TEX35: variants seen among roughly 807,000 people sequenced by gnomAD.
TEX35 encodes the protein testis expressed 35, also known as testis-expressed protein 35.
A neutral mutation model predicts 31.9 loss-of-function variants in TEX35; 26 were observed. The ratio of observed to expected loss-of-function variants is 0.81; its 90% CI spans 0.60 to 1.13. The LOEUF (loss-of-function observed/expected upper bound fraction) is 1.13, where lower values mean the gene tolerates loss of function less well. TEX35 is among the 50% of genes most tolerant of loss of function. The pLI is 0.00. For missense variants in TEX35, 278 were observed against 273.5 expected (o/e 1.02, Z -0.12); for synonymous variants, 87 against 90.7 (o/e 0.96, Z 0.23).
intron 3 of TEX35, among the ~76,000 whole-genome samples, chr1:178,515,497 C>T (rs1321812218): frequency 6.6e-6 from 1 of 152,084 alleles, no homozygotes; most frequent in Non-Finnish European, 1.5e-5. Context: ...GAGATTCAGG[C>T]TGTGCATTTT....
intron 7 of TEX35, 77 bp downstream of exon 7, chr1:178,520,951 G>C (rs1650252648): frequency 1.3e-6 from 2 of 1,588,228 alleles, no homozygotes; most frequent in Non-Finnish European, 1.7e-6. Flanking sequence ...CCCCGAGCTT[G>C]TGCTGTATCA....
chr1:178,521,311 GT>G, intron 8 of TEX35, 47 bp downstream of exon 8: 1 of 1,609,482 alleles, frequency 6.2e-7, no homozygotes, highest in Non-Finnish European at 8.5e-7. Flanking sequence ...CAGGTGCCTT[GT>G]TGTCCCCAAG....
chr1:178,518,557 TAAG>T (rs746731706), intron 5 of TEX35, among the ~76,000 whole-genome samples: 14 of 152,028 alleles, frequency 9.2e-5, no homozygotes, highest in African/African-American at 3.4e-4. Context: ...ATATTTATAA[TAAG>T]AACTAAAAAA....
intron 2 of TEX35, 105 bp downstream of exon 2, chr1:178,514,182 C>T (rs1649983423): frequency 6.2e-7 from 1 of 1,600,072 alleles, no homozygotes; most frequent in African/African-American, 1.3e-5. Context: ...AAGATTTGTC[C>T]CAGGTGCTGG....
At position 178,516,619 on chromosome 1, in the gene TEX35, A is replaced by G. The variant is rs887118853; in HGVS notation, c.221A>G (p.Lys74Arg). The change falls in exon 5 of 9, where the codon AAG becomes AGG. Residue 74 changes from lysine (K) to arginine (R), a missense_variant. Coordinates refer to ENST00000319416, the MANE Select transcript of TEX35 (RefSeq NM_032126.5). ...KEKMEEIKQIKDLMDKDFDKL... is the reference protein window; with the variant it reads ...KEKMEEIKQIRDLMDKDFDKL... ...CATGCCTTTCTTCCTTGTTAGATAAAGGATCTAATGGACAAGGATTTTGAT... is the reference window on the plus strand; with the variant it reads ...CATGCCTTTCTTCCTTGTTAGATAAGGGATCTAATGGACAAGGATTTTGAT... The G allele has an allele frequency of 1.9e-6, 3 of 1,613,134 alleles. No homozygotes were observed. Among genetic ancestry groups the G allele is most frequent in the Admixed American group, 3.3e-5 (2 of 59,974 alleles).
intron 6 of TEX35, 35 bp from the exon 7 acceptor site, chr1:178,520,638 C>A (rs779893814): frequency 2.5e-6 from 4 of 1,606,606 alleles, no homozygotes; most frequent in Non-Finnish European, 3.4e-6. Context: ...AATGTCTCCC[C>A]AACTCTCTGC....
At chr1:178,515,814 C>T in intron 3 of TEX35, 45 bp from the exon 4 acceptor site, 1 of 1,500,426 alleles carries the variant, frequency 6.7e-7, no homozygotes, top group Non-Finnish European at 9.2e-7. Flanking sequence ...CCCCTCCATC[C>T]TAGATATTTC....
At chr1:178,518,944 A>AG (rs1650173470) in intron 5 of TEX35, among the ~76,000 whole-genome samples, 2 of 151,880 alleles carry the variant, frequency 1.3e-5, no homozygotes, top group Non-Finnish European at 1.5e-5. Context: ...GGAAACTGTG[A>AG]GGGAAAAAAA....
At chr1:178,520,016 C>T (rs896259537) in intron 5 of TEX35, among the ~76,000 whole-genome samples, 1 of 152,174 alleles carries the variant, frequency 6.6e-6, no homozygotes, top group African/African-American at 2.4e-5. Flanking sequence ...GTCAAATTGT[C>T]TTTGGGGTCA....
rs200275931 is a variant in TEX35 at position 178,513,982 on chromosome 1, A to G, written c.40-45A>G. On this transcript the variant is annotated intron_variant, in intron 1 of 8. Coordinates refer to ENST00000319416, the MANE Select transcript of TEX35 (RefSeq NM_032126.5). Reference sequence around the variant, plus strand: ...CAAGGGCCAGATGTTCTCCTCCCCAATCCTGATGTCTGCCAGCCTGAATCT... The same window carrying G: ...CAAGGGCCAGATGTTCTCCTCCCCAGTCCTGATGTCTGCCAGCCTGAATCT... The G allele has an allele frequency of 3.8e-4, 611 of 1,606,914 alleles. 6 individuals carry two copies. The East Asian group carries it at 0.013, about 33-fold the overall frequency.
intron 5 of TEX35, 63 bp downstream of exon 5, chr1:178,516,737 C>T: frequency 1.7e-6 from 2 of 1,176,654 alleles, no homozygotes; most frequent in South Asian, 1.4e-5. Context: ...GAAGAGACAC[C>T]AGCAGACCCT....
At chr1:178,517,473 C>CACTTT (rs1413055464) in intron 5 of TEX35, among the ~76,000 whole-genome samples, 1 of 152,218 alleles carries the variant, frequency 6.6e-6, no homozygotes, top group Non-Finnish European at 1.5e-5. Context: ...AGGTCCTAAA[C>CACTTT]ACTTTAGCAG....
intron 8 of TEX35, 55 bp from the exon 9 acceptor site, chr1:178,522,270 G>C (rs1572178868): frequency 6.6e-7 from 1 of 1,521,136 alleles, no homozygotes; most frequent in African/African-American, 1.4e-5. Context: ...GGGTTCTGGG[G>C]ATCCACCCTT....
intron 5 of TEX35, among the ~76,000 whole-genome samples, chr1:178,519,308 A>T (rs1368883856): frequency 2.6e-5 from 4 of 152,214 alleles, no homozygotes; most frequent in African/African-American, 9.7e-5. Context: ...TGATGACACC[A>T]AATTTTAATC....
At chr1:178,522,787 C>A, downstream of TEX35, 1 of 423,878 alleles carries the variant, frequency 2.4e-6, no homozygotes, top group Non-Finnish European at 3.3e-6. Context: ...GGTATCCATC[C>A]CTTCAAGCAT....
chr1:178,519,875 T>C (rs1445154598), intron 5 of TEX35, among the ~76,000 whole-genome samples: 1 of 152,256 alleles, frequency 6.6e-6, no homozygotes, highest in East Asian at 1.9e-4. Context: ...GAGCGAATAA[T>C]ACGTGTGATG....
intron 2 of TEX35, 74 bp from the exon 3 acceptor site, chr1:178,514,626 G>A: frequency 7.0e-7 from 1 of 1,426,036 alleles, no homozygotes; most frequent in Non-Finnish European, 9.8e-7. Context: ...AACACAGGGG[G>A]ATCTCTTCTG....
intron 7 of TEX35, 90 bp from the exon 8 acceptor site, chr1:178,521,132 C>T: frequency 6.2e-7 from 1 of 1,605,494 alleles, no homozygotes; most frequent in Non-Finnish European, 8.5e-7. Context: ...CTGTCCTTCC[C>T]TTTAGCAAGG....
Position 178,515,875 on chromosome 1 carries a change from T to C in TEX35, c.176T>C (p.Val59Ala). ...TTTCCTCAGAATGAACTCAGGGAAG[T>C]GAGAGAAGAGCTCAAGGAGAAAATG... The part of the protein sequence containing the change: ...TQDLKNELRE[V>A]REELKEKMEE... Residue 59 changes from valine to alanine, a missense_variant, in exon 4 of 9, where the codon GTG becomes GCG. Coordinates refer to ENST00000319416, the MANE Select transcript of TEX35 (RefSeq NM_032126.5). The C allele has an allele frequency of 6.2e-7, 1 of 1,612,324 alleles. No individual in the cohort carries two copies. The highest frequency in any genetic ancestry group is 8.5e-7 in the Non-Finnish European group (1 of 1,178,920).
Sources: gnomAD v4.1 joint callset for allele counts (sites outside exome capture counted in the v4.1 genomes callset) on GRCh38, gnomAD v4.1.1 for gene constraint, MANE v1.5 for transcripts, NCBI Gene and HGNC (gene_info 2026-07-23, HGNC 2026-07-21) for gene names.